The following DENND1B variants were observed in gnomAD, a reference collection of about 807,000 sequenced individuals.
DENND1B encodes DENN domain-containing protein 1B.
A neutral mutation model predicts 90.1 loss-of-function variants in DENND1B; 59 were observed. The observed-to-expected ratio is 0.65, with a 90% CI of 0.53 to 0.81. The LOEUF is 0.81. DENND1B is among the 40% of genes least tolerant of loss of function. DENND1B has a pLI of 0.00. For synonymous variants in DENND1B, 337 were observed against 324.6 expected, an observed-to-expected ratio of 1.04 and a Z score of -0.41; for missense variants, 862 against 912.6, an observed-to-expected ratio of 0.94 and a Z score of 0.71.
chr1:197,594,131 G>C (rs1172904616), intron 14 of DENND1B, among the ~76,000 whole-genome samples: 1 of 152,102 alleles, frequency 6.6e-6, no homozygotes, highest in Non-Finnish European at 1.5e-5. Context: ...AGATTAGCAA[G>C]TAAACTAGAC....
chr1:197,734,732 T>G (rs1354446709), intron 2 of DENND1B: 1 of 983,658 alleles, frequency 1.0e-6, no homozygotes, highest in Non-Finnish European at 1.2e-6. Flanking sequence ...AAAGAATACA[T>G]CATTTGTTAC....
chr1:197,737,646 C>A (rs540718655), intron 2 of DENND1B, among the ~76,000 whole-genome samples: 3 of 152,224 alleles, frequency 2.0e-5, no homozygotes, highest in African/African-American at 7.2e-5. Flanking sequence ...GATTCTTATT[C>A]ATTTTTAGGC....
chr1:197,775,446 CG>C lies in DENND1B; in HGVS notation c.-292del. 3.6e-6 allele frequency: 1 copy of C among 279,434 alleles called. No individual in the cohort carries two copies. The highest frequency in any genetic ancestry group is 6.0e-5 in the East Asian group (1 of 16,704). The allele number at this position is 279,434 out of a possible 1,614,324, so 17.3% of individuals were successfully genotyped here. ...GCTGAGGCCTCTCAGTTCCTGCGAC[CG>C]GGGCCGCCCGCTGCGGCTCCTGCAC... On this transcript the variant is annotated 5_prime_UTR_variant, in exon 1 of 23. Coordinates refer to ENST00000620048, the MANE Select transcript of DENND1B (RefSeq NM_001195215.2).
At chr1:197,585,107 C>A (rs995625621) in intron 14 of DENND1B, among the ~76,000 whole-genome samples, 1 of 152,050 alleles carries the variant, frequency 6.6e-6, no homozygotes, top group African/African-American at 2.4e-5. Context: ...TATAATCTAT[C>A]GGAGGAAGGC....
At chr1:197,734,368 G>T (rs557517982) in intron 2 of DENND1B, 37 of 980,528 alleles carry the variant, frequency 3.8e-5, no homozygotes, top group Middle Eastern at 5.2e-4. Flanking sequence ...TTATGGTTGA[G>T]TTCATGAATA....
In DENND1B at chr1:197,510,410, C is replaced by T. The variant is rs1327645395; in HGVS notation, c.*50G>A. The T allele has an allele frequency of 6.6e-7, 1 of 1,522,996 alleles. No individual in the cohort carries two copies. The highest frequency in any genetic ancestry group is 8.8e-7 in the Non-Finnish European group (1 of 1,136,274). The allele number at this position is 1,522,996 out of a possible 1,614,324, so 94.3% of individuals were successfully genotyped here. A position where few individuals can be genotyped will look rare whatever the true frequency, so the allele number is the denominator to read the frequency against. ...CCTACAAATAATTCTGTTTATTATA[C>T]AGATTGCATTGAATCTCAAAATGTC... On this transcript the variant is annotated 3_prime_UTR_variant, in exon 23 of 23. Coordinates refer to ENST00000620048, the MANE Select transcript of DENND1B (RefSeq NM_001195215.2).
intron 11 of DENND1B, among the ~76,000 whole-genome samples, chr1:197,613,926 T>A (rs1192902685): frequency 6.6e-6 from 1 of 150,982 alleles, no homozygotes; most frequent in Non-Finnish European, 1.5e-5. Context: ...AAAACAATAA[T>A]TACTAAGTCC....
chr1:197,528,335 T>C (rs1374696507), intron 20 of DENND1B, among the ~76,000 whole-genome samples: 1 of 152,210 alleles, frequency 6.6e-6, no homozygotes, highest in East Asian at 1.9e-4. Flanking sequence ...AGTCTCTGCA[T>C]GCATAAAAGT....
chr1:197,519,051 T>C (rs776087248), intron 20 of DENND1B, among the ~76,000 whole-genome samples: 5 of 151,930 alleles, frequency 3.3e-5, no homozygotes, highest in African/African-American at 7.2e-5. Flanking sequence ...TTCTTGTCCA[T>C]AGAGATGCAA....
chr1:197,652,219 C>G lies in DENND1B; in HGVS notation c.447+16G>C, dbSNP rs1653300043. On this transcript the variant is annotated intron_variant, in intron 7 of 22. Coordinates refer to ENST00000620048, the MANE Select transcript of DENND1B (RefSeq NM_001195215.2). ...TAGCTATGACTCCCAAAAACAATTA[C>G]TGATTGAATACTTACCACACTCAAA... 1 of 1,603,572 alleles carries G rather than the reference C, an allele frequency of 6.2e-7. No individual in the cohort carries two copies. The highest frequency in any genetic ancestry group is 8.5e-7 in the Non-Finnish European group (1 of 1,174,536).
intron 15 of DENND1B, among the ~76,000 whole-genome samples, chr1:197,563,531 A>G (rs560773584): frequency 6.6e-6 from 1 of 152,108 alleles, no homozygotes; most frequent in East Asian, 1.9e-4. Flanking sequence ...TCAGAAACAA[A>G]GACTCCTTTC....
intron 14 of DENND1B, among the ~76,000 whole-genome samples, chr1:197,590,141 A>G (rs1000960172): frequency 1.5e-4 from 23 of 152,166 alleles, no homozygotes; most frequent in Non-Finnish European, 3.2e-4. Flanking sequence ...GTTATGCTAA[A>G]GGGATTTTCC....
At chr1:197,728,361 G>C (rs577975918) in intron 2 of DENND1B, among the ~76,000 whole-genome samples, 2 of 152,286 alleles carry the variant, frequency 1.3e-5, no homozygotes, top group South Asian at 4.1e-4. Context: ...AATATATAAT[G>C]TGATATCTAA....
chr1:197,564,878 A>T (rs1672492742), intron 15 of DENND1B, among the ~76,000 whole-genome samples: 1 of 152,040 alleles, frequency 6.6e-6, no homozygotes, highest in South Asian at 2.1e-4. Context: ...AACACTATTT[A>T]GGATATTGAA....
intron 2 of DENND1B, among the ~76,000 whole-genome samples, chr1:197,745,464 C>T (rs1015691419): frequency 6.6e-6 from 1 of 151,912 alleles, no homozygotes; most frequent in African/African-American, 2.4e-5. Context: ...AGAGATGGGG[C>T]AACAGCTGGT....
intron 5 of DENND1B, among the ~76,000 whole-genome samples, chr1:197,671,095 A>T (rs1655460499): frequency 6.6e-6 from 1 of 152,190 alleles, no homozygotes; most frequent in Non-Finnish European, 1.5e-5. Flanking sequence ...TATGAATAGC[A>T]AATGAACAGG....
At chr1:197,692,190 T>C (rs1429374472) in intron 3 of DENND1B, among the ~76,000 whole-genome samples, 1 of 151,862 alleles carries the variant, frequency 6.6e-6, no homozygotes. Flanking sequence ...CTTTCTCTAG[T>C]TGAGGTTCTC....
At chr1:197,527,359 C>T (rs1230704978) in intron 20 of DENND1B, among the ~76,000 whole-genome samples, 5 of 150,470 alleles carry the variant, frequency 3.3e-5, no homozygotes, top group East Asian at 2.0e-4. Flanking sequence ...CTTGGCTCAC[C>T]GCAACCTCTG....
intron 11 of DENND1B, among the ~76,000 whole-genome samples, chr1:197,617,283 A>G (rs1056046061): frequency 1.3e-5 from 2 of 151,094 alleles, no homozygotes; most frequent in South Asian, 4.1e-4. Context: ...GACAGAGACA[A>G]TGTGGTTGCT....
Sources: allele counts gnomAD v4.1 joint callset (sites outside exome capture counted in the v4.1 genomes callset), GRCh38; gene constraint gnomAD v4.1.1; transcripts MANE v1.5; gene names NCBI Gene and HGNC (gene_info 2026-07-23, HGNC 2026-07-21).